Variants in INPP5D observed in about 807,000 individuals in gnomAD.
The protein encoded by INPP5D is inositol polyphosphate-5-phosphatase D.
A neutral mutation model predicts 122.9 loss-of-function variants in INPP5D; 33 were observed. That is an observed-to-expected ratio of 0.27 (90% CI 0.20 to 0.36). The LOEUF is 0.36. Ranked by LOEUF, INPP5D falls within the 10% of genes least tolerant of loss-of-function variation. The probability of loss-of-function intolerance (pLI) is 1.00; values close to 1 mark genes in which losing one functional copy is unlikely to be tolerated. For missense variants in INPP5D, 1,053 were observed against 1,412.7 expected, an observed-to-expected ratio of 0.75 and a Z score of 4.08; for synonymous variants, 584 against 576.2, an observed-to-expected ratio of 1.01 and a Z score of -0.19.
intron 2 of INPP5D, among the ~76,000 whole-genome samples, chr2:233,081,357 C>T (rs1332243943): frequency 1.3e-5 from 2 of 152,172 alleles, no homozygotes; most frequent in Non-Finnish European, 2.9e-5. Flanking sequence ...TGAGAGGAGT[C>T]GGCAAACTCT....
intron 25 of INPP5D, among the ~76,000 whole-genome samples, chr2:233,203,513 G>A (rs1449380196): frequency 4.6e-5 from 7 of 152,208 alleles, no homozygotes; most frequent in South Asian, 2.1e-4. Flanking sequence ...TGAGGACAAC[G>A]TATGATGAAC....
rs187623162 is a variant in INPP5D at position 233,183,478 on chromosome 2, C to T, written c.2162-930C>T. Among the ~76,000 whole-genome samples, 1 of 152,296 alleles carries T rather than the reference C, an allele frequency of 6.6e-6. No individual in the cohort carries two copies. The highest frequency in any genetic ancestry group is 1.9e-4 in the East Asian group (1 of 5,190). On this transcript the variant is annotated intron_variant, in intron 19 of 26. Coordinates refer to ENST00000445964, the MANE Select transcript of INPP5D (RefSeq NM_001017915.3). The surrounding 1 kb of genome is among the most constrained non-coding windows in gnomAD (Gnocchi z 4.6). ...CATCGTGTCTCCTTCCTAAGTCTGG[C>T]CACTGTGCCTTTCTAGAATCTTCCT...
chr2:233,173,532 G>A (rs1014822250), intron 17 of INPP5D, among the ~76,000 whole-genome samples: 2 of 151,850 alleles, frequency 1.3e-5, no homozygotes, highest in Non-Finnish European at 2.9e-5. Context: ...CAAACACATT[G>A]TACAGCTGTA....
At chr2:233,123,414 A>G (rs374411732) in intron 3 of INPP5D, among the ~76,000 whole-genome samples, 4 of 151,350 alleles carry the variant, frequency 2.6e-5, no homozygotes, top group Non-Finnish European at 5.9e-5. Flanking sequence ...AGATCGCACC[A>G]CTGAACTCCA....
chr2:233,122,085 T>G, intron 2 of INPP5D, 22 bp from the exon 3 acceptor site: 1 of 1,612,536 alleles, frequency 6.2e-7, no homozygotes, highest in South Asian at 1.1e-5. Context: ...CATGTGCGTT[T>G]GTTTGGATGT....
chr2:233,185,359 G>A (rs1694885502), intron 20 of INPP5D, among the ~76,000 whole-genome samples: 1 of 152,186 alleles, frequency 6.6e-6, no homozygotes, highest in African/African-American at 2.4e-5. Context: ...AGTTCACCCA[G>A]CAGGGTCAAA....
At chr2:233,112,880 A>T (rs1485445664) in intron 2 of INPP5D, among the ~76,000 whole-genome samples, 1 of 152,078 alleles carries the variant, frequency 6.6e-6, no homozygotes, top group Non-Finnish European at 1.5e-5. Context: ...CTGGTCTCGA[A>T]CTTGGGACCT....
rs1270115042 is a variant in INPP5D at position 233,137,846 on chromosome 2, AAAAAAAAATATATATATATAT to A, written c.666-1994_666-1974del. On this transcript the variant is annotated intron_variant, in intron 5 of 26. Coordinates refer to ENST00000445964, the MANE Select transcript of INPP5D (RefSeq NM_001017915.3). The stretch of plus-strand genomic sequence containing the variant: ...AAACTCCATCACAAAAAAAAAAAAA[AAAAAAAAATATATATATATAT>A]ATATATATATATATATATATATATA... Among the ~76,000 whole-genome samples the A allele has an allele frequency of 1.3e-4, 2 of 15,310 alleles. 1 individual carries two copies. Among genetic ancestry groups the A allele is most frequent in the Non-Finnish European group, 3.3e-4 (2 of 5,982 alleles). The allele number at this position is 15,310 out of a possible 152,430, so 10.0% of individuals were successfully genotyped here. A position where few individuals can be genotyped will look rare whatever the true frequency, so the allele number is the denominator to read the frequency against.
chr2:233,192,964 T>A (rs1168076933), intron 22 of INPP5D, among the ~76,000 whole-genome samples: 1 of 152,244 alleles, frequency 6.6e-6, no homozygotes, highest in Non-Finnish European at 1.5e-5. Flanking sequence ...CTTGGCTCGC[T>A]GCAACCTCCG....
intron 2 of INPP5D, among the ~76,000 whole-genome samples, chr2:233,107,886 C>T (rs573458931): frequency 6.6e-6 from 1 of 152,244 alleles, no homozygotes; most frequent in South Asian, 2.1e-4. Context: ...CCCAGCGCTG[C>T]CACGGCACTC....
intron 22 of INPP5D, 125 bp downstream of exon 22, chr2:233,190,062 A>G: frequency 7.0e-7 from 1 of 1,430,752 alleles, no homozygotes; most frequent in Non-Finnish European, 9.3e-7. Context: ...TCCTCATCCC[A>G]GGGCTGCTAG....
chr2:233,114,066 C>T (rs927276233), intron 2 of INPP5D, among the ~76,000 whole-genome samples: 4 of 152,184 alleles, frequency 2.6e-5, no homozygotes, highest in African/African-American at 9.7e-5. Context: ...GCCACCAACA[C>T]GCCCAGCTAA....
chr2:233,182,641 C>T, intron 19 of INPP5D, 142 bp downstream of exon 19: 2 of 1,327,940 alleles, frequency 1.5e-6, no homozygotes, highest in Non-Finnish European at 2.0e-6. Context: ...TCAGTTTCTT[C>T]ATGTCCCAGC....
chr2:233,130,710 A>G, intron 5 of INPP5D, 62 bp downstream of exon 5: 4 of 1,569,896 alleles, frequency 2.5e-6, no homozygotes, highest in Non-Finnish European at 3.5e-6. Context: ...GAAACAGCTC[A>G]TGAGAGCGAC....
Position 233,203,787 on chromosome 2 carries a change from A to G in INPP5D, c.2976-339A>G, listed in dbSNP as rs933320762. On this transcript the variant is annotated intron_variant, in intron 25 of 26. Coordinates refer to ENST00000445964, the MANE Select transcript of INPP5D (RefSeq NM_001017915.3). ...CCTGGAGGCATTGCTACTCCCAGCA[A>G]TGTCCAGCTACTCCTAGCTACTCCC... Among the ~76,000 whole-genome samples, 12 of 152,174 alleles carry G rather than the reference A, an allele frequency of 7.9e-5. No individual in the cohort carries two copies. The East Asian group carries it at 2.3e-3, about 29-fold the overall frequency.
intron 5 of INPP5D, among the ~76,000 whole-genome samples, chr2:233,135,809 G>A (rs1693452842): frequency 6.6e-6 from 1 of 151,924 alleles, no homozygotes; most frequent in Admixed American, 6.5e-5. Context: ...TTACTCAAAA[G>A]GAATCCAAAA....
At chr2:233,074,561 T>A (rs1691466160) in intron 1 of INPP5D, among the ~76,000 whole-genome samples, 1 of 152,208 alleles carries the variant, frequency 6.6e-6, no homozygotes, top group Non-Finnish European at 1.5e-5. Context: ...GAACAGTTTG[T>A]TTCCCAAGGT....
chr2:233,173,559 C>A (rs1694545800), intron 17 of INPP5D, among the ~76,000 whole-genome samples: 1 of 151,804 alleles, frequency 6.6e-6, no homozygotes, highest in Non-Finnish European at 1.5e-5. Context: ...TATTTTATTT[C>A]TTTATATTCT....
chr2:233,061,852 A>C (rs889548130), intron 1 of INPP5D, among the ~76,000 whole-genome samples: 1 of 152,218 alleles, frequency 6.6e-6, no homozygotes, highest in Non-Finnish European at 1.5e-5. Context: ...CGGGGCAGGC[A>C]TGTAGCCTTG....
Sources: gnomAD v4.1 joint callset for allele counts (sites outside exome capture counted in the v4.1 genomes callset) on GRCh38, gnomAD v4.1.1 for gene constraint, Gnocchi (gnomAD v3.1) non-coding constraint, MANE v1.5 for transcripts, NCBI Gene and HGNC (gene_info 2026-07-23, HGNC 2026-07-21) for gene names.